Variants in CCL15 observed in about 807,000 individuals in gnomAD.
CCL15 encodes C-C motif chemokine ligand 15, also known as C-C motif chemokine 15.
Under a neutral mutation model 10.6 loss-of-function variants are expected in CCL15, and 8 were observed. The ratio of observed to expected loss-of-function variants is 0.75; its 90% CI spans 0.44 to 1.36. The LOEUF (loss-of-function observed/expected upper bound fraction) is 1.36. CCL15 is among the 40% of genes most tolerant of loss of function. The pLI is 0.00. For synonymous variants in CCL15, 51 were observed against 48.8 expected (o/e 1.04, Z -0.19); for missense variants, 128 against 136.6 (o/e 0.94, Z 0.32).
Position 35,997,670 on chromosome 17 carries a change from C to A in CCL15, c.*97G>T, listed in dbSNP as rs375874343. On this transcript the variant is annotated 3_prime_UTR_variant, in exon 4 of 4. Coordinates refer to ENST00000617897, the MANE Select transcript of CCL15 (RefSeq NM_032965.6). Reference sequence around the variant, plus strand: ...TTATTAGATGCATTACTTTCATTACCAGACACAACAATATATATATTTTTT... The same window carrying A: ...TTATTAGATGCATTACTTTCATTACAAGACACAACAATATATATATTTTTT... 3.1e-5 allele frequency: 22 copies of A among 716,546 alleles called. No homozygotes were observed. The highest frequency in any genetic ancestry group is 2.3e-4 in the African/African-American group (13 of 56,010). The allele number at this position is 716,546 out of a possible 1,614,324, so 44.4% of individuals were successfully genotyped here. A position where few individuals can be genotyped will look rare whatever the true frequency, so the allele number is the denominator to read the frequency against.
At chr17:35,999,300 T>C (rs1241187789) in intron 1 of CCL15, among the ~76,000 whole-genome samples, 1 of 152,232 alleles carries the variant, frequency 6.6e-6, no homozygotes, top group Non-Finnish European at 1.5e-5. Context: ...TCAGCGTTTA[T>C]GGTGGCACAG....
At position 35,997,793 on chromosome 17, in the gene CCL15, T is replaced by G. The variant is rs1285897220; in HGVS notation, c.316A>C (p.Lys106Gln). Residue 106 changes from lysine to glutamine, a missense_variant, in exon 4 of 4, where the codon AAA (lysine) becomes CAA (glutamine). Transcript: ENST00000617897. Reference sequence around the variant, plus strand: ...TATATTGAGTAGGGCTTCAGCTTTTTCATGCAATCCTGAACTCCCGGACCA... The same window carrying G: ...TATATTGAGTAGGGCTTCAGCTTTTGCATGCAATCCTGAACTCCCGGACCA... ...PSGPGVQDCM[K>Q]KLKPYSI 1.2e-6 allele frequency: 2 copies of G among 1,613,812 alleles called. No individual in the cohort carries two copies. Among genetic ancestry groups the G allele is most frequent in the African/African-American group, 2.7e-5 (2 of 74,930 alleles).
Sources: allele counts gnomAD v4.1 joint callset (sites outside exome capture counted in the v4.1 genomes callset), GRCh38; gene constraint gnomAD v4.1.1; transcripts MANE v1.5; gene names NCBI Gene and HGNC (gene_info 2026-07-23, HGNC 2026-07-21).